SLC16A7: variants seen among roughly 807,000 people sequenced by gnomAD.
The protein encoded by SLC16A7 is monocarboxylate transporter 2.
SLC16A7 carries 33 observed loss-of-function variants against 34.9 expected under a neutral mutation model. The ratio of observed to expected loss-of-function variants is 0.94; its 90% CI spans 0.72 to 1.26. The LOEUF (loss-of-function observed/expected upper bound fraction) is 1.26, where lower values mean the gene tolerates loss of function less well. Among genes scored for constraint, SLC16A7 ranks in the 50% most tolerant of loss-of-function variants. The probability of loss-of-function intolerance (pLI) is 0.00; values close to 1 mark genes in which losing one functional copy is unlikely to be tolerated. For missense variants in SLC16A7, 573 were observed against 578.1 expected (o/e 0.99, Z 0.09); for synonymous variants, 201 against 206.6 (o/e 0.97, Z 0.23).
In SLC16A7 at chr12:59,625,358, GAAAAT is replaced by G. The variant is rs1428784220; in HGVS notation, c.-130+29128_-130+29132del. On this transcript the variant is annotated intron_variant, in intron 1 of 5. Coordinates refer to ENST00000547379, the MANE Select transcript of SLC16A7 (RefSeq NM_001270623.2). ...TGTATTAGTTCACATTCTTAACACAGAAAATAAAATTAAATTGGCTTAGCCTCAAT... is the reference window on the plus strand; with the variant it reads ...TGTATTAGTTCACATTCTTAACACAGAAAATTAAATTGGCTTAGCCTCAAT... Among the ~76,000 whole-genome samples, 4 of 151,822 alleles carry G rather than the reference GAAAAT, an allele frequency of 2.6e-5. No individual in the cohort carries two copies. The East Asian group carries it at 7.8e-4, about 29-fold the overall frequency.
chr12:59,606,009 T>A (rs982291195), intron 1 of SLC16A7, among the ~76,000 whole-genome samples: 4 of 152,214 alleles, frequency 2.6e-5, no homozygotes, highest in Admixed American at 1.3e-4. Flanking sequence ...ATGATAATCA[T>A]CATCATGTCA....
At chr12:59,617,778 G>A (rs1879521022) in intron 1 of SLC16A7, among the ~76,000 whole-genome samples, 1 of 151,890 alleles carries the variant, frequency 6.6e-6, no homozygotes, top group East Asian at 1.9e-4. Flanking sequence ...AATTTAAATT[G>A]AACATCATTA....
chr12:59,605,084 C>T (rs1224363657), intron 1 of SLC16A7, among the ~76,000 whole-genome samples: 1 of 152,174 alleles, frequency 6.6e-6, no homozygotes, highest in East Asian at 1.9e-4. Flanking sequence ...ATCTCCTGAC[C>T]TTTTGATCCT....
intron 3 of SLC16A7, among the ~76,000 whole-genome samples, chr12:59,717,368 T>A (rs1875040055): frequency 6.6e-6 from 1 of 151,740 alleles, no homozygotes; most frequent in Non-Finnish European, 1.5e-5. Flanking sequence ...ATGATTAGTT[T>A]AAAATGTATG....
intron 2 of SLC16A7, among the ~76,000 whole-genome samples, chr12:59,686,686 T>A (rs1431699177): frequency 6.6e-6 from 1 of 152,092 alleles, no homozygotes; most frequent in Non-Finnish European, 1.5e-5. Flanking sequence ...TACTTCATTA[T>A]AGAAAATTCA....
chr12:59,755,076 C>G (rs542363320), intron 3 of SLC16A7, among the ~76,000 whole-genome samples: 82 of 152,288 alleles, frequency 5.4e-4, no homozygotes, highest in African/African-American at 1.7e-3. Context: ...GCTAAAAACT[C>G]TCAATAAATT....
chr12:59,695,238 T>A (rs1872145150), intron 2 of SLC16A7, among the ~76,000 whole-genome samples: 1 of 151,930 alleles, frequency 6.6e-6, no homozygotes, highest in Admixed American at 6.6e-5. Flanking sequence ...CCAGGGAAGT[T>A]CTCCCTGCCA....
intron 3 of SLC16A7, among the ~76,000 whole-genome samples, chr12:59,738,636 G>C (rs879177606): frequency 3.9e-5 from 6 of 152,024 alleles, no homozygotes; most frequent in Non-Finnish European, 4.4e-5. Context: ...TCTTAACAAG[G>C]GTTTATGGCA....
At chr12:59,748,044 A>C (rs1879084392) in intron 3 of SLC16A7, among the ~76,000 whole-genome samples, 1 of 152,034 alleles carries the variant, frequency 6.6e-6, no homozygotes, top group Non-Finnish European at 1.5e-5. Flanking sequence ...CTCTACTAAA[A>C]ATACAAAAAT....
intron 3 of SLC16A7, among the ~76,000 whole-genome samples, chr12:59,761,829 G>A (rs758240400): frequency 6.6e-5 from 10 of 151,984 alleles, no homozygotes; most frequent in African/African-American, 2.4e-4. Context: ...TGTTCCCTTG[G>A]TTTCAAGGCT....
chr12:59,719,890 C>T (rs1025726153), intron 3 of SLC16A7: 21 of 516,186 alleles, frequency 4.1e-5, no homozygotes, highest in Middle Eastern at 3.3e-4. Context: ...GACAATTTTC[C>T]GTGGTCCACT....
At chr12:59,605,982 A>G (rs1242382958) in intron 1 of SLC16A7, among the ~76,000 whole-genome samples, 1 of 152,182 alleles carries the variant, frequency 6.6e-6, no homozygotes, top group Non-Finnish European at 1.5e-5. Context: ...TGGAGAAATA[A>G]TGTAGGTAGT....
chr12:59,650,725 G>A (rs1308558066), intron 1 of SLC16A7, among the ~76,000 whole-genome samples: 2 of 152,078 alleles, frequency 1.3e-5, no homozygotes, highest in Non-Finnish European at 2.9e-5. Context: ...GCGTGGGTTG[G>A]GAGGTGCCTG....
At chr12:59,629,780 T>C (rs1265802029) in intron 1 of SLC16A7, among the ~76,000 whole-genome samples, 2 of 151,924 alleles carry the variant, frequency 1.3e-5, no homozygotes, top group Non-Finnish European at 2.9e-5. Flanking sequence ...ATATTTAGCC[T>C]GTCCTTGAAG....
At chr12:59,762,859 TA>T (rs1400707145) in intron 3 of SLC16A7, among the ~76,000 whole-genome samples, 1 of 152,060 alleles carries the variant, frequency 6.6e-6, no homozygotes, top group African/African-American at 2.4e-5. Context: ...ATCAATCATT[TA>T]AAAATAAATG....
At chr12:59,670,704 G>GTCACTGGTCTAAAT (rs1869608876) in intron 2 of SLC16A7, among the ~76,000 whole-genome samples, 1 of 152,182 alleles carries the variant, frequency 6.6e-6, no homozygotes, top group Non-Finnish European at 1.5e-5. Context: ...AACAAATGGT[G>GTCACTGGTCTAAAT]TCACTGGTCT....
At chr12:59,747,694 C>A (rs548206595) in intron 3 of SLC16A7, among the ~76,000 whole-genome samples, 2 of 152,328 alleles carry the variant, frequency 1.3e-5, no homozygotes, top group East Asian at 3.9e-4. Context: ...ATTATTTGAG[C>A]AGTTCTTTCT....
chr12:59,715,623 G>A (rs1217915432), intron 3 of SLC16A7, among the ~76,000 whole-genome samples: 8 of 152,094 alleles, frequency 5.3e-5, no homozygotes, highest in Non-Finnish European at 2.9e-5. Context: ...GGAAGGTGAG[G>A]GCACACAATG....
At position 59,779,488 on chromosome 12, in the gene SLC16A7, G is replaced by C; in HGVS notation, c.1246G>C (p.Ala416Pro). 1 of 1,612,410 alleles carries C rather than the reference G, an allele frequency of 6.2e-7. No homozygotes were observed. Among genetic ancestry groups the C allele is most frequent in the Non-Finnish European group, 8.5e-7 (1 of 1,178,700 alleles). ...CATGTCCTGTGGGGCTATTGTGGTA[G>C]CAGCAAGCGTGTGGCTGCTCATTGG... is the stretch of plus-strand genomic sequence containing the variant. Reference protein sequence around the residue: ...MYMSCGAIVVAASVWLLIGNA... With the variant: ...MYMSCGAIVVPASVWLLIGNA... Residue 416 changes from alanine to proline, a missense_variant, in exon 6 of 6, where the codon GCA becomes CCA. Ala to Pro is a conservative substitution (Grantham distance 27). Transcript: ENST00000547379.
Sources: gnomAD v4.1 joint callset for allele counts (sites outside exome capture counted in the v4.1 genomes callset) on GRCh38, gnomAD v4.1.1 for gene constraint, MANE v1.5 for transcripts, NCBI Gene and HGNC (gene_info 2026-07-23, HGNC 2026-07-21) for gene names.